CTNNB1: variants seen among roughly 807,000 people sequenced by gnomAD.
The protein encoded by CTNNB1 is catenin beta-1.
A neutral mutation model predicts 82.5 loss-of-function variants in CTNNB1; 6 were observed. The observed-to-expected ratio is 0.07, with a 90% CI of 0.04 to 0.14. The LOEUF is 0.14. Ranked by LOEUF, CTNNB1 falls within the 10% of genes least tolerant of loss-of-function variation. The pLI, the probability that CTNNB1 is intolerant of heterozygous loss-of-function variation, is 1.00. For synonymous variants in CTNNB1, 312 were observed against 329.7 expected (o/e 0.95, Z 0.58); for missense variants, 529 against 980.4 (o/e 0.54, Z 6.15).
intron 1 of CTNNB1, among the ~76,000 whole-genome samples, chr3:41,201,961 G>C (rs534201274): frequency 6.6e-6 from 1 of 152,084 alleles, no homozygotes; most frequent in Non-Finnish European, 1.5e-5. Context: ...GAGGAGGCAA[G>C]TTTCTCCAAG....
chr3:41,226,970 C>T (rs1274760030), intron 6 of CTNNB1, among the ~76,000 whole-genome samples: 1 of 152,000 alleles, frequency 6.6e-6, no homozygotes, highest in African/African-American at 2.4e-5. Context: ...AAATTGGGCC[C>T]AAACTGATAC....
At chr3:41,221,422 C>G (rs938024275) in intron 1 of CTNNB1, 1 of 151,550 alleles carries the variant, frequency 6.6e-6, no homozygotes, top group African/African-American at 2.4e-5. Flanking sequence ...TCATAGCTCA[C>G]TATAACCTTG....
rs747306661 is a variant in CTNNB1, at chr3:41,224,910, A to G, written c.242-44A>G. ...ATTTAGGATAGCAAATACTTAGGTA[A>G]ATGCTGAACTGTGGATAGTGAGTGT... is the stretch of plus-strand genomic sequence containing the variant. On this transcript the variant is annotated intron_variant, in intron 3 of 14. Transcript: ENST00000349496. The G allele has an allele frequency of 8.1e-6, 13 of 1,613,582 alleles. No homozygotes were observed. In the Admixed American group the frequency reaches 1.8e-4, roughly 23 times the overall value.
intron 7 of CTNNB1, among the ~76,000 whole-genome samples, chr3:41,231,173 A>T (rs1038325786): frequency 5.9e-5 from 9 of 152,150 alleles, no homozygotes; most frequent in African/African-American, 1.7e-4. Context: ...TAAAAATACA[A>T]AAAGTTAGCC....
At chr3:41,211,802 T>C (rs1247262344) in intron 1 of CTNNB1, among the ~76,000 whole-genome samples, 1 of 152,252 alleles carries the variant, frequency 6.6e-6, no homozygotes, top group Non-Finnish European at 1.5e-5. Context: ...ATTGTATCTT[T>C]GCTATTATGG....
chr3:41,237,198 G>A (rs984809635), intron 13 of CTNNB1: 1 of 185,204 alleles, frequency 5.4e-6, no homozygotes, highest in Non-Finnish European at 1.1e-5. Flanking sequence ...AGAGATCATT[G>A]ATGGTACACA....
intron 1 of CTNNB1, among the ~76,000 whole-genome samples, chr3:41,223,635 AT>A (rs1233064996): frequency 2.0e-5 from 3 of 152,154 alleles, no homozygotes; most frequent in Non-Finnish European, 4.4e-5. Flanking sequence ...GGATCTGTGA[AT>A]TTTTCTGTGA....
At chr3:41,210,490 A>G (rs1438851195) in intron 1 of CTNNB1, among the ~76,000 whole-genome samples, 1 of 152,068 alleles carries the variant, frequency 6.6e-6, no homozygotes, top group African/African-American at 2.4e-5. Context: ...ACATGAACAC[A>G]TTAGCCTAGG....
At chr3:41,235,478 G>C in intron 10 of CTNNB1, 1 of 545,296 alleles carries the variant, frequency 1.8e-6, no homozygotes, top group Non-Finnish European at 3.3e-6. Context: ...AGTTGTCTTT[G>C]GGATTCAGCG....
At chr3:41,224,158 CCT>C in intron 2 of CTNNB1, 77 bp downstream of exon 2, 1 of 1,514,538 alleles carries the variant, frequency 6.6e-7, no homozygotes, top group Non-Finnish European at 9.2e-7. Context: ...CTGAGATCCC[CCT>C]GCTTTCCTCT....
At position 41,225,931 on chromosome 3, in the gene CTNNB1, AGTGTT is replaced by A; in HGVS notation, c.936+71_936+75del. The A allele has an allele frequency of 6.9e-7, 1 of 1,445,348 alleles. No homozygotes were observed. The allele number at this position is 1,445,348 out of a possible 1,614,324, so 89.5% of individuals were successfully genotyped here. A position where few individuals can be genotyped will look rare whatever the true frequency, so the allele number is the denominator to read the frequency against. The stretch of plus-strand genomic sequence containing the variant: ...CCTCCAGTGTCATGTCATTCCATGC[AGTGTT>A]CCTAACCTTTTTGGCACCAGGGACC... On this transcript the variant is annotated intron_variant, in intron 6 of 14. Transcript: ENST00000349496. This position sits in a 1 kb window ranked among gnomAD's most constrained non-coding sequence, Gnocchi z 5.3.
At chr3:41,237,102 C>T in intron 13 of CTNNB1, 2 of 327,760 alleles carry the variant, frequency 6.1e-6, no homozygotes, top group South Asian at 3.8e-5. Context: ...ATGAATTTTT[C>T]TTCAGCATTT....
At chr3:41,203,969 C>T (rs897435062) in intron 1 of CTNNB1, among the ~76,000 whole-genome samples, 4 of 151,986 alleles carry the variant, frequency 2.6e-5, no homozygotes, top group South Asian at 2.1e-4. Context: ...AAAACGTTAG[C>T]GTAGGGACGG....
At chr3:41,227,884 C>T (rs948342747) in intron 7 of CTNNB1, among the ~76,000 whole-genome samples, 3 of 152,076 alleles carry the variant, frequency 2.0e-5, no homozygotes, top group South Asian at 2.1e-4. Context: ...ACCTCCCACC[C>T]GTAAGTAGGC....
At chr3:41,228,480 G>C (rs1302717535) in intron 7 of CTNNB1, among the ~76,000 whole-genome samples, 1 of 152,164 alleles carries the variant, frequency 6.6e-6, no homozygotes, top group Non-Finnish European at 1.5e-5. Context: ...GTGATGTCGA[G>C]CTTTTCTTCA....
chr3:41,235,285 A>T (rs1259163254), intron 10 of CTNNB1: 1 of 213,208 alleles, frequency 4.7e-6, no homozygotes, highest in Non-Finnish European at 9.5e-6. Context: ...TTCTGCTGGC[A>T]ACTCGGTTAG....
rs16339 is a variant in CTNNB1, at chr3:41,240,109, C to CTAAT, written c.*769_*772dup. On this transcript the variant is annotated 3_prime_UTR_variant, in exon 15 of 15. Transcript: ENST00000349496. ...AAGAATTGAGTAATGGTGTAGAACACTAATTCATAATCACTCTAATTAATT... is the reference window on the plus strand; with the variant it reads ...AAGAATTGAGTAATGGTGTAGAACACTAATTAATTCATAATCACTCTAATTAATT... The CTAAT allele has an allele frequency of 0.41, 82,089 of 199,298 alleles. 16,869 individuals are homozygous for CTAAT. Among genetic ancestry groups the CTAAT allele is most frequent in the Non-Finnish European group, 0.46 (44,798 of 97,872 alleles). 12.3% of individuals were successfully genotyped at this position (199,298 alleles called of 1,614,324 possible). A position where few individuals can be genotyped will look rare whatever the true frequency, so the allele number is the denominator to read the frequency against.
At chr3:41,200,161 C>T (rs1334772087) in intron 1 of CTNNB1, 1 of 152,186 alleles carries the variant, frequency 6.6e-6, no homozygotes. Flanking sequence ...TCCCATCAGT[C>T]CTGGGGATCG....
chr3:41,226,754 A>G (rs1303594656), intron 6 of CTNNB1, among the ~76,000 whole-genome samples: 1 of 152,166 alleles, frequency 6.6e-6, no homozygotes, highest in Non-Finnish European at 1.5e-5. Flanking sequence ...AAGGACAAGC[A>G]TGAATGATCA....
Sources: gnomAD v4.1 joint callset for allele counts (sites outside exome capture counted in the v4.1 genomes callset) on GRCh38, gnomAD v4.1.1 for gene constraint, Gnocchi (gnomAD v3.1) non-coding constraint, MANE v1.5 for transcripts, NCBI Gene and HGNC (gene_info 2026-07-23, HGNC 2026-07-21) for gene names.